Variants in PEMT observed in about 807,000 individuals in gnomAD.
PEMT encodes phospholipid methyltransferase.
In PEMT, 23 loss-of-function variants were observed where a neutral mutation model predicts 27.4. That is an observed-to-expected ratio of 0.84 (90% confidence interval 0.60 to 1.19). The LOEUF is 1.19. PEMT is among the 50% of genes most tolerant of loss of function. The pLI, the probability that PEMT is intolerant of heterozygous loss-of-function variation, is 0.00. For missense variants in PEMT, 307 were observed against 310.1 expected, an observed-to-expected ratio of 0.99 and a Z score of 0.07; for synonymous variants, 137 against 139.1, an observed-to-expected ratio of 0.98 and a Z score of 0.11.
chr17:17,551,816 C>T (rs1323748893), intron 2 of PEMT, among the ~76,000 whole-genome samples: 9 of 152,174 alleles, frequency 5.9e-5, no homozygotes, highest in East Asian at 3.8e-4. Flanking sequence ...CACCATGACA[C>T]GGTTGGATGG....
chr17:17,573,618 C>T (rs879542765), intron 2 of PEMT, among the ~76,000 whole-genome samples: 1 of 152,026 alleles, frequency 6.6e-6, no homozygotes, highest in South Asian at 2.1e-4. Flanking sequence ...GGTGGGCATA[C>T]GTTATACTCG....
intron 2 of PEMT, among the ~76,000 whole-genome samples, chr17:17,524,203 A>G (rs1907501325): frequency 6.6e-6 from 1 of 152,230 alleles, no homozygotes; most frequent in Non-Finnish European, 1.5e-5. Context: ...CACGGTGACC[A>G]AGGCCAAAGC....
At position 17,582,093 on chromosome 17, in the gene PEMT, C is replaced by A. The variant is rs1219959171; in HGVS notation, c.97-5066G>T. Among the ~76,000 whole-genome samples, 2 of 152,188 alleles carry A rather than the reference C, an allele frequency of 1.3e-5. No individual in the cohort carries two copies. Among genetic ancestry groups the A allele is most frequent in the African/African-American group, 4.8e-5 (2 of 41,442 alleles). ...GGGTGTCAGAGTCTCCCTTGATGGC[C>A]TCCCCTTCACACCTGTGACCAAAGG... On this transcript the variant is annotated intron_variant, in intron 1 of 6. Coordinates refer to ENST00000255389, the MANE Select transcript of PEMT (RefSeq NM_148172.3). The surrounding 1 kb of genome is among the most constrained non-coding windows in gnomAD (Gnocchi z 4.9).
At chr17:17,514,708 A>G (rs1214348439) in intron 3 of PEMT, among the ~76,000 whole-genome samples, 2 of 152,218 alleles carry the variant, frequency 1.3e-5, no homozygotes, top group African/African-American at 4.8e-5. Flanking sequence ...ATGCACACCC[A>G]GTGTGGTGCC....
At chr17:17,584,940 C>T (rs1007478893) in intron 1 of PEMT, among the ~76,000 whole-genome samples, 1 of 152,230 alleles carries the variant, frequency 6.6e-6, no homozygotes. Context: ...GCACTCAGCG[C>T]AGTGCCTGGC....
chr17:17,509,107 G>A (rs1257373366), intron 5 of PEMT, among the ~76,000 whole-genome samples: 2 of 152,284 alleles, frequency 1.3e-5, no homozygotes, highest in Non-Finnish European at 2.9e-5. Flanking sequence ...CTGTGCTGGC[G>A]CCAAAGACGC....
At position 17,505,776 on chromosome 17, in the gene PEMT, G is replaced by A; in HGVS notation, c.*15C>T. 7 of 1,605,780 alleles carry A rather than the reference G, an allele frequency of 4.4e-6. No individual in the cohort carries two copies. The highest frequency in any genetic ancestry group is 6.0e-6 in the Non-Finnish European group (7 of 1,175,680). On this transcript the variant is annotated 3_prime_UTR_variant, in exon 7 of 7. Transcript: ENST00000255389. ...GGAGGCTGGCCAGGCCTTCAGCAAAGCTGTTGCAGCTCAATCAGCTCCTCT... is the reference window on the plus strand; with the variant it reads ...GGAGGCTGGCCAGGCCTTCAGCAAAACTGTTGCAGCTCAATCAGCTCCTCT...
chr17:17,555,981 A>G (rs1260780794), intron 2 of PEMT, among the ~76,000 whole-genome samples: 1 of 152,210 alleles, frequency 6.6e-6, no homozygotes, highest in African/African-American at 2.4e-5. Flanking sequence ...TTAAGGAAAC[A>G]TGCTCTGAGG....
rs1022711418 is a variant in PEMT at position 17,577,464 on chromosome 17, C to G, written c.97-437G>C. On this transcript the variant is annotated intron_variant, in intron 1 of 6. Transcript: ENST00000255389. ...AACAATAGTGGTGTGCCTCTCCTCG[C>G]CCACACTCGACAGGGGACAATCTTG... 17 of 1,036,336 alleles carry G rather than the reference C, an allele frequency of 1.6e-5. No individual in the cohort carries two copies. In the African/African-American group the frequency reaches 2.7e-4, roughly 16 times the overall value. The allele number at this position is 1,036,336 out of a possible 1,614,324, so 64.2% of individuals were successfully genotyped here. A position where few individuals can be genotyped will look rare whatever the true frequency, so the allele number is the denominator to read the frequency against.
At chr17:17,506,591 G>T (rs773177544) in intron 5 of PEMT, among the ~76,000 whole-genome samples, 7 of 152,226 alleles carry the variant, frequency 4.6e-5, no homozygotes, top group Non-Finnish European at 1.0e-4. Context: ...GTCTCCAGCC[G>T]CCAGCCCAGA....
At chr17:17,577,476 A>G (rs1911678597) in intron 1 of PEMT, 2 of 1,031,400 alleles carry the variant, frequency 1.9e-6, no homozygotes, top group South Asian at 3.8e-5. Context: ...CACACTCGAC[A>G]GGGGACAATC....
At chr17:17,518,484 C>T (rs68144460) in intron 3 of PEMT, among the ~76,000 whole-genome samples, 3,510 of 152,336 alleles carry the variant, frequency 0.023, 151 homozygotes, top group African/African-American at 0.08. Context: ...ATGGCCCCTT[C>T]GGGACTGGAT....
At chr17:17,522,235 G>C (rs70959699) in intron 3 of PEMT, 45 bp downstream of exon 3, 1 of 1,424,970 alleles carries the variant, frequency 7.0e-7, no homozygotes, top group African/African-American at 1.4e-5. Context: ...CGGCCCTCCC[G>C]CTAGCCCAGG....
intron 1 of PEMT, among the ~76,000 whole-genome samples, chr17:17,584,718 A>G (rs1018068736): frequency 6.6e-6 from 1 of 152,356 alleles, no homozygotes; most frequent in African/African-American, 2.4e-5. Flanking sequence ...TAGTAACAAT[A>G]AGCCAGCCAA....
intron 2 of PEMT, among the ~76,000 whole-genome samples, chr17:17,545,356 A>C (rs1283060031): frequency 6.6e-6 from 1 of 152,220 alleles, no homozygotes; most frequent in Non-Finnish European, 1.5e-5. Flanking sequence ...CATGGTCTCC[A>C]GCACGTTGCA....
At chr17:17,517,026 GAGAGACCAAAAGCCAAAGCCAC>G (rs1268680170) in intron 3 of PEMT, among the ~76,000 whole-genome samples, 2 of 152,222 alleles carry the variant, frequency 1.3e-5, no homozygotes, top group African/African-American at 4.8e-5. Context: ...CTAGAAGCCA[GAGAGACCAAAAGCCAAAGCCAC>G]AGAGCTGCCT....
intron 1 of PEMT, among the ~76,000 whole-genome samples, chr17:17,581,531 C>T (rs934652015): frequency 2.6e-5 from 4 of 152,152 alleles, no homozygotes; most frequent in Non-Finnish European, 1.5e-5. Flanking sequence ...GGAAAGTGAG[C>T]AAGAAATATG....
At chr17:17,521,109 C>T (rs1243856923) in intron 3 of PEMT, among the ~76,000 whole-genome samples, 3 of 152,254 alleles carry the variant, frequency 2.0e-5, no homozygotes, top group African/African-American at 2.4e-5. Context: ...CCAGGCTACA[C>T]GCGCCCCATC....
chr17:17,545,935 CCTGT>C (rs1389587559), intron 2 of PEMT, among the ~76,000 whole-genome samples: 1 of 152,220 alleles, frequency 6.6e-6, no homozygotes, highest in Non-Finnish European at 1.5e-5. Flanking sequence ...CCTTTCCTTG[CCTGT>C]CTCTTCCTGC....
Sources: gnomAD v4.1 joint callset for allele counts (sites outside exome capture counted in the v4.1 genomes callset) on GRCh38, gnomAD v4.1.1 for gene constraint, Gnocchi (gnomAD v3.1) non-coding constraint, MANE v1.5 for transcripts, NCBI Gene and HGNC (gene_info 2026-07-23, HGNC 2026-07-21) for gene names.